The following DOCK7 variants were observed in gnomAD, a reference collection of about 807,000 sequenced individuals.
The protein encoded by DOCK7 is dedicator of cytokinesis 7, also known as dedicator of cytokinesis protein 7.
A neutral mutation model predicts 271.0 loss-of-function variants in DOCK7; 138 were observed. That is an observed-to-expected ratio of 0.51 (90% CI 0.44 to 0.59). The LOEUF (loss-of-function observed/expected upper bound fraction) is 0.59, where lower values mean the gene tolerates loss of function less well. Ranked by LOEUF, DOCK7 falls within the 20% of genes least tolerant of loss-of-function variation. DOCK7 has a pLI of 0.00. For synonymous variants in DOCK7, 823 were observed against 876.1 expected (o/e 0.94, Z 1.07); for missense variants, 2,066 against 2,592.4 (o/e 0.80, Z 4.41).
At chr1:62,604,865 A>T in intron 14 of DOCK7, 6 of 1,536,370 alleles carry the variant, frequency 3.9e-6, no homozygotes, top group Non-Finnish European at 4.5e-6. Flanking sequence ...ACCTCATTCC[A>T]AGTTAATGTG....
rs1192439756 is a variant in DOCK7, at chr1:62,496,765, T to C, written c.4765-268A>G. Among the ~76,000 whole-genome samples the C allele has an allele frequency of 2.6e-5, 4 of 152,164 alleles. No individual in the cohort carries two copies. In the East Asian group the frequency reaches 7.7e-4, roughly 29 times the overall value. On this transcript the variant is annotated intron_variant, in intron 37 of 49. Coordinates refer to ENST00000635253, the MANE Select transcript of DOCK7 (RefSeq NM_001367561.1). ...AATTCTGCTTATCTCTTTACATTTA[T>C]TTATTATGGGCATATGTTATTAATA...
intron 31 of DOCK7, among the ~76,000 whole-genome samples, chr1:62,518,370 G>A (rs1490310181): frequency 6.6e-6 from 1 of 152,186 alleles, no homozygotes; most frequent in Non-Finnish European, 1.5e-5. Flanking sequence ...AGGAGATTGA[G>A]ACTATCCTGG....
chr1:62,673,259 A>T (rs1227362329), intron 1 of DOCK7, among the ~76,000 whole-genome samples: 2 of 151,986 alleles, frequency 1.3e-5, no homozygotes, highest in African/African-American at 2.4e-5. Context: ...AAAAAGGATT[A>T]AAAAAAAGAT....
rs943098352 is a variant in DOCK7, at chr1:62,469,942, C to T, written c.6212+4040G>A. 7.3e-5 allele frequency among the ~76,000 whole-genome samples: 11 copies of T among 149,952 alleles called. No homozygotes were observed. In the South Asian group the frequency reaches 1.0e-3, roughly 14 times the overall value. On this transcript the variant is annotated intron_variant, in intron 48 of 49. Coordinates refer to ENST00000635253, the MANE Select transcript of DOCK7 (RefSeq NM_001367561.1). ...AAAAAAATGGATACTGGTGTGGATGCGGTAAAAAGGGAATACTTCTGCACT... is the reference window on the plus strand; with the variant it reads ...AAAAAAATGGATACTGGTGTGGATGTGGTAAAAAGGGAATACTTCTGCACT...
At chr1:62,678,604 T>A in intron 1 of DOCK7, among the ~76,000 whole-genome samples, 1 of 152,286 alleles carries the variant, frequency 6.6e-6, no homozygotes, top group East Asian at 1.9e-4. Flanking sequence ...GCAATCCCAA[T>A]CAAATTCTAT....
chr1:62,506,685 C>T lies in DOCK7; in HGVS notation c.4477-869G>A, dbSNP rs532933708. On this transcript the variant is annotated intron_variant, in intron 35 of 49. Transcript: ENST00000635253. ...AGGGTTGGCTGGGTGCAGTGGCTCA[C>T]GCCTGTAATCCCCACACTTTGGGAG... Among the ~76,000 whole-genome samples, 726 of 151,678 alleles carry T rather than the reference C, an allele frequency of 4.8e-3. 3 individuals carry two copies. The highest frequency in any genetic ancestry group is 7.1e-3 in the Non-Finnish European group (483 of 67,926).
intron 8 of DOCK7, among the ~76,000 whole-genome samples, chr1:62,635,903 C>A (rs1236678402): frequency 6.6e-6 from 1 of 152,062 alleles, no homozygotes; most frequent in African/African-American, 2.4e-5. Flanking sequence ...ATGTGAGCCA[C>A]AAGCACCCGG....
chr1:62,499,803 CAGG>C (rs1646727341), intron 37 of DOCK7, among the ~76,000 whole-genome samples: 1 of 151,982 alleles, frequency 6.6e-6, no homozygotes, highest in African/African-American at 2.4e-5. Flanking sequence ...CCCTTTAGCC[CAGG>C]AGTTTTGAGG....
chr1:62,674,640 G>A (rs889000418), intron 1 of DOCK7, among the ~76,000 whole-genome samples: 4 of 152,146 alleles, frequency 2.6e-5, no homozygotes, highest in African/African-American at 9.7e-5. Flanking sequence ...TGAGTATCAA[G>A]AAATGAACTC....
intron 7 of DOCK7, among the ~76,000 whole-genome samples, chr1:62,641,951 A>C (rs1177199082): frequency 6.6e-6 from 1 of 151,900 alleles, no homozygotes; most frequent in East Asian, 1.9e-4. Context: ...CTTATGTTTT[A>C]CATGGATTGC....
In DOCK7 at chr1:62,457,778, AATACAT is replaced by A. The variant is rs558915644; in HGVS notation, c.6213-79_6213-74del. 2.7e-4 allele frequency: 365 copies of A among 1,375,816 alleles called. 1 individual carries two copies. The highest frequency in any genetic ancestry group is 9.3e-4 in the Middle Eastern group (5 of 5,358). 85.2% of individuals were successfully genotyped at this position (1,375,816 alleles called of 1,614,324 possible). On this transcript the variant is annotated intron_variant, in intron 48 of 49. Coordinates refer to ENST00000635253, the MANE Select transcript of DOCK7 (RefSeq NM_001367561.1). The stretch of plus-strand genomic sequence containing the variant: ...TGGGTTTAATGCCATACACACGCAA[AATACAT>A]ATACATATATATGTGGGCTTAATGA...
rs142599463 is a variant in DOCK7, at chr1:62,683,762, C to T, written c.38+4465G>A. On this transcript the variant is annotated intron_variant, in intron 1 of 49. Transcript: ENST00000635253. ...CCAGCCTGGGCAACATGGCGAAAAC[C>T]CGTCTCTACAAAAAGTGCAAAAATT... is the stretch of plus-strand genomic sequence containing the variant. 5.4e-3 allele frequency among the ~76,000 whole-genome samples: 820 copies of T among 151,998 alleles called. 8 individuals are homozygous for T. The highest frequency in any genetic ancestry group is 0.019 in the African/African-American group (783 of 41,454).
intron 14 of DOCK7, among the ~76,000 whole-genome samples, chr1:62,614,819 A>T (rs1044019966): frequency 2.0e-5 from 3 of 151,892 alleles, no homozygotes; most frequent in African/African-American, 7.2e-5. Flanking sequence ...GACACTGGAT[A>T]ATGTTCTTGG....
chr1:62,650,989 T>A (rs1464655783), intron 4 of DOCK7, among the ~76,000 whole-genome samples: 3 of 152,096 alleles, frequency 2.0e-5, no homozygotes, highest in African/African-American at 7.2e-5. Flanking sequence ...TAAAGACACA[T>A]GCACACGTAT....
At chr1:62,664,902 C>G (rs969783498) in intron 1 of DOCK7, among the ~76,000 whole-genome samples, 5 of 151,994 alleles carry the variant, frequency 3.3e-5, no homozygotes, top group African/African-American at 1.2e-4. Context: ...AGAGGGAGAA[C>G]AGATTCAGGA....
At chr1:62,474,543 C>T (rs1645917683) in intron 47 of DOCK7, among the ~76,000 whole-genome samples, 1 of 152,160 alleles carries the variant, frequency 6.6e-6, no homozygotes, top group Admixed American at 6.5e-5. Context: ...CATTTGGAGA[C>T]AAAACCTTAA....
chr1:62,473,331 T>G (rs1054833935), intron 48 of DOCK7, among the ~76,000 whole-genome samples: 1 of 152,134 alleles, frequency 6.6e-6, no homozygotes, highest in African/African-American at 2.4e-5. Flanking sequence ...GTAAGTATTC[T>G]GGGGGGAGGG....
At chr1:62,654,646 G>A (rs1199884912) in intron 2 of DOCK7, among the ~76,000 whole-genome samples, 3 of 151,912 alleles carry the variant, frequency 2.0e-5, no homozygotes, top group African/African-American at 7.3e-5. Context: ...CTAACACATG[G>A]GCCCTGTACA....
intron 2 of DOCK7, among the ~76,000 whole-genome samples, chr1:62,661,891 G>A (rs970448176): frequency 2.0e-5 from 3 of 152,104 alleles, no homozygotes; most frequent in Non-Finnish European, 2.9e-5. Flanking sequence ...TGGAAGAGAG[G>A]CGTTCAAGAC....
Sources: gnomAD v4.1 joint callset for allele counts (sites outside exome capture counted in the v4.1 genomes callset) on GRCh38, gnomAD v4.1.1 for gene constraint, MANE v1.5 for transcripts, NCBI Gene and HGNC (gene_info 2026-07-23, HGNC 2026-07-21) for gene names.